UST: variants seen among roughly 807,000 people sequenced by gnomAD.
UST encodes uronyl 2-sulfotransferase, also known as chondroitin sulfate 2-O-sulfotransferase.
UST carries 21 observed loss-of-function variants against 45.6 expected under a neutral mutation model. That is an observed-to-expected ratio of 0.46 (90% CI 0.33 to 0.66). UST has a LOEUF of 0.66. Among genes scored for constraint, UST ranks in the 30% least tolerant of loss-of-function variants. The probability of loss-of-function intolerance (pLI) is 0.02; values close to 1 mark genes in which losing one functional copy is unlikely to be tolerated. For missense variants in UST, 463 were observed against 512.4 expected (o/e 0.90, Z 0.93); for synonymous variants, 215 against 200.6 (o/e 1.07, Z -0.61).
rs188326906 is a variant in UST at position 148,877,855 on chromosome 6, C to A, written c.248-9131C>A. ...GAGTGCGAGGGGTCGTGTACGAGTG[C>A]GGGGATCATGTACGAGTGTGGGGAT... On this transcript the variant is annotated intron_variant, in intron 1 of 7. Transcript: ENST00000367463. Among the ~76,000 whole-genome samples, 46 of 71,058 alleles carry A rather than the reference C, an allele frequency of 6.5e-4. 1 individual carries two copies. The East Asian group carries it at 0.019, about 29-fold the overall frequency. The allele number at this position is 71,058 out of a possible 152,430, so 46.6% of individuals were successfully genotyped here.
intron 2 of UST, among the ~76,000 whole-genome samples, chr6:148,892,051 C>T (rs1198621753): frequency 6.6e-6 from 1 of 152,166 alleles, no homozygotes; most frequent in African/African-American, 2.4e-5. Flanking sequence ...GGAATCCTTC[C>T]TCTTGAACGA....
intron 2 of UST, among the ~76,000 whole-genome samples, chr6:148,912,317 A>T (rs1434573991): frequency 6.6e-6 from 1 of 152,278 alleles, no homozygotes; most frequent in Non-Finnish European, 1.5e-5. Context: ...GTTTCAATCC[A>T]TGAGTTGTTT....
At chr6:149,042,956 TTTC>T (rs1383607741) in intron 7 of UST, among the ~76,000 whole-genome samples, 11,086 of 71,330 alleles carry the variant, frequency 0.16, 547 homozygotes, top group South Asian at 0.18. Context: ...TCACCATCCT[TTTC>T]TTTCTTTCTT....
intron 2 of UST, among the ~76,000 whole-genome samples, chr6:148,927,824 G>A (rs187419770): frequency 6.6e-6 from 1 of 152,338 alleles, no homozygotes; most frequent in Non-Finnish European, 1.5e-5. Flanking sequence ...GGGCCAAGAA[G>A]TTATGCTTCA....
At chr6:149,050,833 T>C (rs968435116) in intron 7 of UST, among the ~76,000 whole-genome samples, 1 of 152,196 alleles carries the variant, frequency 6.6e-6, no homozygotes, top group African/African-American at 2.4e-5. Flanking sequence ...TGGAGGTGAA[T>C]TGGTGTGCCT....
chr6:148,925,841 G>T (rs73778963), intron 2 of UST, among the ~76,000 whole-genome samples: 2,548 of 152,302 alleles, frequency 0.017, 83 homozygotes, highest in African/African-American at 0.059. Flanking sequence ...TTACACAGGG[G>T]CTGAAAGATT....
intron 7 of UST, 113 bp downstream of exon 7, chr6:149,021,594 G>A: frequency 5.5e-6 from 7 of 1,268,772 alleles, no homozygotes; most frequent in South Asian, 1.7e-5. Flanking sequence ...TGATGACAAA[G>A]GGCAGTTAGT....
intron 5 of UST, among the ~76,000 whole-genome samples, chr6:149,003,922 A>G (rs923407200): frequency 4.6e-5 from 7 of 152,226 alleles, no homozygotes; most frequent in Non-Finnish European, 1.0e-4. Context: ...CCAATAGATA[A>G]TGACAACCAA....
At chr6:148,938,842 G>A (rs1780068941) in intron 2 of UST, among the ~76,000 whole-genome samples, 1 of 151,344 alleles carries the variant, frequency 6.6e-6, no homozygotes, top group African/African-American at 2.4e-5. Flanking sequence ...AAGATAAGAA[G>A]TAGATAATAG....
At chr6:148,946,507 T>A in intron 3 of UST, among the ~76,000 whole-genome samples, 1 of 30,080 alleles carries the variant, frequency 3.3e-5, no homozygotes, top group Admixed American at 4.3e-4. Context: ...CAAGACTCCA[T>A]CTCAAAAAAA....
chr6:148,923,533 G>T (rs1451003268), intron 2 of UST, among the ~76,000 whole-genome samples: 5 of 152,182 alleles, frequency 3.3e-5, no homozygotes, highest in African/African-American at 9.7e-5. Flanking sequence ...GTGTTTAAAG[G>T]GTTAGCATGT....
chr6:149,002,113 A>C (rs572319899), intron 5 of UST, among the ~76,000 whole-genome samples: 1 of 152,206 alleles, frequency 6.6e-6, no homozygotes, highest in African/African-American at 2.4e-5. Context: ...TATTTTCTTA[A>C]ATTGTAAGAG....
chr6:148,830,008 T>C (rs1279555681), intron 1 of UST, among the ~76,000 whole-genome samples: 2 of 152,220 alleles, frequency 1.3e-5, no homozygotes, highest in Non-Finnish European at 2.9e-5. Context: ...AAAAGATGGA[T>C]GATGAATGCC....
At chr6:148,779,768 G>A (rs1420498641) in intron 1 of UST, among the ~76,000 whole-genome samples, 1 of 152,062 alleles carries the variant, frequency 6.6e-6, no homozygotes, top group Admixed American at 6.6e-5. Context: ...CTCTCCTTGT[G>A]GGCTCTCAAC....
chr6:148,877,320 T>C (rs1462428256), intron 1 of UST, among the ~76,000 whole-genome samples: 1 of 18,984 alleles, frequency 5.3e-5, no homozygotes, highest in Non-Finnish European at 9.3e-5. Context: ...TGAGTGTGGG[T>C]ATCGTGTACA....
rs182372571 is a variant in UST at position 148,776,316 on chromosome 6, C to T, written c.247+28639C>T. Among the ~76,000 whole-genome samples, 383 of 152,260 alleles carry T rather than the reference C, an allele frequency of 2.5e-3. 3 individuals carry two copies. The highest frequency in any genetic ancestry group is 9.0e-3 in the African/African-American group (372 of 41,552). On this transcript the variant is annotated intron_variant, in intron 1 of 7. Transcript: ENST00000367463. ...TCTTCCAAGATTTTTAAAAATATGACCATTAGCTTACATTTTCCTATGTGT... is the reference window on the plus strand; with the variant it reads ...TCTTCCAAGATTTTTAAAAATATGATCATTAGCTTACATTTTCCTATGTGT...
At chr6:148,994,318 A>T (rs2114995983) in intron 5 of UST, among the ~76,000 whole-genome samples, 1 of 152,226 alleles carries the variant, frequency 6.6e-6, no homozygotes, top group Non-Finnish European at 1.5e-5. Context: ...ACAACCCCAT[A>T]GTAAAAGTTT....
intron 5 of UST, among the ~76,000 whole-genome samples, chr6:148,978,501 A>G (rs1781067253): frequency 6.6e-6 from 1 of 152,188 alleles, no homozygotes; most frequent in Non-Finnish European, 1.5e-5. Flanking sequence ...CATAAAAAAG[A>G]ATGAGTTCAT....
chr6:148,943,011 A>G (rs1213346852), intron 3 of UST, among the ~76,000 whole-genome samples: 5 of 111,050 alleles, frequency 4.5e-5, no homozygotes, highest in Non-Finnish European at 1.0e-4. Flanking sequence ...TTTTATGTAT[A>G]AGATTGTACA....
Sources: allele counts gnomAD v4.1 joint callset (sites outside exome capture counted in the v4.1 genomes callset), GRCh38; gene constraint gnomAD v4.1.1; transcripts MANE v1.5; gene names NCBI Gene and HGNC (gene_info 2026-07-23, HGNC 2026-07-21).